The following BMAL1 variants were observed in gnomAD, a reference collection of about 807,000 sequenced individuals.
BMAL1 encodes the protein basic helix-loop-helix ARNT-like protein 1.
the BMAL1 span, among the ~76,000 whole-genome samples, chr11:13,337,743 A>G: frequency 6.6e-6 from 1 of 152,144 alleles, no homozygotes; most frequent in Non-Finnish European, 1.5e-5. Context: ...GGGGTTTCCT[A>G]TTCATAGTCT....
At chr11:13,293,449 C>A in the BMAL1 span, among the ~76,000 whole-genome samples, 1 of 152,166 alleles carries the variant, frequency 6.6e-6, no homozygotes, top group Non-Finnish European at 1.5e-5. Context: ...TAGTGTGAGA[C>A]CAAAGGGTGA....
the BMAL1 span, chr11:13,357,019 A>G: frequency 6.2e-7 from 1 of 1,614,094 alleles, no homozygotes; most frequent in Non-Finnish European, 8.5e-7. This position sits in a 1 kb window ranked among gnomAD's most constrained non-coding sequence, Gnocchi z 4.8. Flanking sequence ...TCTCCAGAGA[A>G]TTATGTTTTT....
the BMAL1 span, among the ~76,000 whole-genome samples, chr11:13,309,653 G>A: frequency 2.0e-5 from 3 of 152,046 alleles, no homozygotes; most frequent in Admixed American, 1.3e-4. Flanking sequence ...GGCAGTTGGG[G>A]GTATGGGACG....
At chr11:13,308,852 T>G in the BMAL1 span, among the ~76,000 whole-genome samples, 1 of 152,160 alleles carries the variant, frequency 6.6e-6, no homozygotes, top group Non-Finnish European at 1.5e-5. Context: ...GTCAGATTCA[T>G]TCATACCTTC....
chr11:13,288,394 T>TCTTTCTTC, the BMAL1 span, among the ~76,000 whole-genome samples: 138 of 42,980 alleles, frequency 3.2e-3, 1 homozygote, highest in African/African-American at 7.4e-3. Context: ...GGATTTTCTT[T>TCTTTCTTC]TTTCTTTCTT....
chr11:13,329,776 G>A, the BMAL1 span, among the ~76,000 whole-genome samples: 1 of 152,116 alleles, frequency 6.6e-6, no homozygotes, highest in East Asian at 1.9e-4. Context: ...GCCTTCTTGG[G>A]GTACGGTACG....
At chr11:13,386,911 T>C in the BMAL1 span, 3 of 803,534 alleles carry the variant, frequency 3.7e-6, no homozygotes, top group East Asian at 8.7e-5. Flanking sequence ...TCAATCTTAC[T>C]ATATGTAACT....
At chr11:13,300,023 A>G in the BMAL1 span, among the ~76,000 whole-genome samples, 1 of 152,172 alleles carries the variant, frequency 6.6e-6, no homozygotes, top group Non-Finnish European at 1.5e-5. Flanking sequence ...TTCCCTTCCC[A>G]TTCCTCATGG....
At chr11:13,277,075 G>A in the BMAL1 span, 1 of 152,278 alleles carries the variant, frequency 6.6e-6, no homozygotes, top group Non-Finnish European at 1.5e-5. Context: ...CAAAGAACGT[G>A]AGAACACTTG....
the BMAL1 span, among the ~76,000 whole-genome samples, chr11:13,377,264 C>A: frequency 6.6e-6 from 1 of 152,172 alleles, no homozygotes. Flanking sequence ...CTCTCCCGAG[C>A]TCCAGATCTG....
the BMAL1 span, among the ~76,000 whole-genome samples, chr11:13,350,842 G>A: frequency 2.6e-5 from 4 of 152,068 alleles, no homozygotes; most frequent in South Asian, 2.1e-4. Flanking sequence ...TACAAATATC[G>A]TAAACAAAGT....
chr11:13,343,643 G>A, the BMAL1 span, among the ~76,000 whole-genome samples: 5 of 152,272 alleles, frequency 3.3e-5, no homozygotes, highest in South Asian at 8.3e-4. Context: ...CTTGACAAAG[G>A]GTTAAGAAGA....
chr11:13,381,986 A>G, the BMAL1 span, among the ~76,000 whole-genome samples: 2 of 152,158 alleles, frequency 1.3e-5, no homozygotes, highest in Non-Finnish European at 2.9e-5. Flanking sequence ...TAAAACAGAG[A>G]GAGAGAATAT....
At chr11:13,301,755 G>T in the BMAL1 span, among the ~76,000 whole-genome samples, 1 of 152,192 alleles carries the variant, frequency 6.6e-6, no homozygotes, top group Non-Finnish European at 1.5e-5. Context: ...GAGAGTATCA[G>T]GTGCCAGGCA....
chr11:13,277,244 GC>G, the BMAL1 span, among the ~76,000 whole-genome samples: 3 of 152,248 alleles, frequency 2.0e-5, no homozygotes, highest in African/African-American at 7.2e-5. Flanking sequence ...AGGAACTGCT[GC>G]TTTTCGTCGG....
chr11:13,364,345 C>T, the BMAL1 span, among the ~76,000 whole-genome samples: 123 of 152,372 alleles, frequency 8.1e-4, 1 homozygote, highest in South Asian at 0.011. Flanking sequence ...TCCCCTCTCA[C>T]TCATTTCTTC....
At chr11:13,335,647 A>G in the BMAL1 span, among the ~76,000 whole-genome samples, 1 of 152,240 alleles carries the variant, frequency 6.6e-6, no homozygotes, top group Non-Finnish European at 1.5e-5. Context: ...TCTGACTCCA[A>G]TTAACACATA....
the BMAL1 span, among the ~76,000 whole-genome samples, chr11:13,348,495 C>T: frequency 6.6e-6 from 1 of 151,812 alleles, no homozygotes; most frequent in Non-Finnish European, 1.5e-5. Context: ...TGGCTGGGCC[C>T]ATCCCTTAGA....
chr11:13,336,945 T>C, the BMAL1 span, among the ~76,000 whole-genome samples: 3 of 152,228 alleles, frequency 2.0e-5, no homozygotes, highest in Non-Finnish European at 4.4e-5. Context: ...ATCTTTTCTA[T>C]GATATTGATA....
Sources: allele counts gnomAD v4.1 joint callset (sites outside exome capture counted in the v4.1 genomes callset), GRCh38; gene constraint gnomAD v4.1.1; non-coding constraint Gnocchi (gnomAD v3.1); transcripts MANE v1.5; gene names NCBI Gene and HGNC (gene_info 2026-07-23, HGNC 2026-07-21).